The following ZRANB3 variants were observed in gnomAD, a reference collection of about 807,000 sequenced individuals.
ZRANB3 encodes the protein DNA annealing helicase and endonuclease ZRANB3.
In ZRANB3, 125 loss-of-function variants were observed where a neutral mutation model predicts 133.8. The ratio of observed to expected loss-of-function variants is 0.93; its 90% CI spans 0.81 to 1.08. The LOEUF is 1.08. ZRANB3 is among the 50% of genes least tolerant of loss of function. ZRANB3 has a pLI of 0.00. For missense variants in ZRANB3, 1,229 were observed against 1,275.5 expected, an observed-to-expected ratio of 0.96 and a Z score of 0.56; for synonymous variants, 387 against 432.7, an observed-to-expected ratio of 0.89 and a Z score of 1.31.
intron 12 of ZRANB3, among the ~76,000 whole-genome samples, chr2:135,233,096 A>G (rs1489531814): frequency 6.6e-6 from 1 of 152,244 alleles, no homozygotes; most frequent in Non-Finnish European, 1.5e-5. Context: ...AGAAGTCCTT[A>G]AAGGACCTGA....
chr2:135,449,094 G>C (rs919532223), intron 2 of ZRANB3, among the ~76,000 whole-genome samples: 1 of 152,068 alleles, frequency 6.6e-6, no homozygotes, highest in African/African-American at 2.4e-5. Flanking sequence ...GATCCTCTTG[G>C]GATGTTTGTT....
intron 2 of ZRANB3, among the ~76,000 whole-genome samples, chr2:135,487,741 C>T (rs1400945945): frequency 3.3e-5 from 5 of 152,192 alleles, no homozygotes; most frequent in Admixed American, 3.3e-4. Flanking sequence ...TAGGGCCTTG[C>T]TCTGGAATTA....
At position 135,227,855 on chromosome 2, in the gene ZRANB3, T is replaced by C; in HGVS notation, c.2115A>G (p.Pro705=). The stretch of plus-strand genomic sequence containing the variant: ...TAAGTCCGTCTTCTTTCTCAATTTT[T>C]GGTGTTTCTTCCTTGCTGTCAGCCA... The part of the protein sequence containing the change: ...GQLADSKEET[P]KIEKEDGLTS... The change falls in exon 14 of 21, where the codon CCA becomes CCG. Residue 705 remains proline (P), a synonymous_variant. Transcript: ENST00000264159. 6.3e-7 allele frequency: 1 copy of C among 1,577,366 alleles called. No individual in the cohort carries two copies. Among genetic ancestry groups the C allele is most frequent in the Non-Finnish European group, 8.6e-7 (1 of 1,159,572 alleles).
intron 3 of ZRANB3, among the ~76,000 whole-genome samples, chr2:135,367,543 C>A (rs868536268): frequency 5.9e-5 from 9 of 151,748 alleles, no homozygotes; most frequent in Admixed American, 2.0e-4. Flanking sequence ...AGAGAGAAAA[C>A]CAAAAATCAC....
At chr2:135,358,987 T>TC (rs1685558130) in intron 3 of ZRANB3, among the ~76,000 whole-genome samples, 1 of 151,962 alleles carries the variant, frequency 6.6e-6, no homozygotes, top group South Asian at 2.1e-4. Context: ...TGTTTTTTTT[T>TC]CAAGTCATTT....
chr2:135,436,245 T>TC (rs1282639303), intron 2 of ZRANB3, among the ~76,000 whole-genome samples: 1 of 152,178 alleles, frequency 6.6e-6, no homozygotes, highest in Non-Finnish European at 1.5e-5. Flanking sequence ...AGGGAGTTTT[T>TC]CCCCCATCGC....
chr2:135,528,458 T>A (rs1334257844), intron 1 of ZRANB3, among the ~76,000 whole-genome samples: 3 of 152,192 alleles, frequency 2.0e-5, no homozygotes. Context: ...TCTACAAGTC[T>A]TATTTACCTT....
intron 2 of ZRANB3, among the ~76,000 whole-genome samples, chr2:135,420,089 A>ATT (rs1394420624): frequency 1.9e-5 from 2 of 103,910 alleles, no homozygotes; most frequent in African/African-American, 5.5e-5. Context: ...TATATCTTAG[A>ATT]TTTATATATA....
In ZRANB3 at chr2:135,207,787, CTG is replaced by C. The variant is rs745582435; in HGVS notation, c.2654_2655del (p.Thr885SerfsTer21). The C allele has an allele frequency of 3.5e-5, 57 of 1,612,152 alleles. No homozygotes were observed. Among genetic ancestry groups the C allele is most frequent in the Non-Finnish European group, 4.8e-5 (57 of 1,178,496 alleles). ...GGCTTCACAGTGAGATCTGCCTGGA[CTG>C]TGTATGGATTTAGAAATGGGACACA... ...GACVPFLNPYTVQADLTVKPS... is the reference protein window; with the variant it reads ...GACVPFLNPYXVQADLTVKPS... On this transcript the variant is annotated frameshift_variant, in exon 19 of 21. Coordinates refer to ENST00000264159, the MANE Select transcript of ZRANB3 (RefSeq NM_032143.4). LOFTEE classifies it high-confidence loss of function.
intron 2 of ZRANB3, among the ~76,000 whole-genome samples, chr2:135,406,397 C>G (rs140422895): frequency 8.6e-5 from 13 of 151,934 alleles, no homozygotes; most frequent in Admixed American, 3.9e-4. Flanking sequence ...AGAGGTACAA[C>G]GAGGAGCTGG....
chr2:135,328,054 G>C (rs1413931972), intron 6 of ZRANB3, among the ~76,000 whole-genome samples: 2 of 151,038 alleles, frequency 1.3e-5, no homozygotes, highest in South Asian at 2.1e-4. Flanking sequence ...TTTTTTTTTA[G>C]TTAAAGCCAA....
chr2:135,257,927 T>C (rs186522729), intron 12 of ZRANB3, among the ~76,000 whole-genome samples: 8 of 152,306 alleles, frequency 5.3e-5, no homozygotes, highest in African/African-American at 9.6e-5. Flanking sequence ...GGGCAGATTA[T>C]GTAACCTTTC....
intron 6 of ZRANB3, among the ~76,000 whole-genome samples, chr2:135,335,587 C>T (rs112182601): frequency 1.9e-3 from 282 of 151,844 alleles, no homozygotes; most frequent in African/African-American, 6.6e-3. Flanking sequence ...CACCTATTTG[C>T]GAGGCTGAGG....
intron 8 of ZRANB3, among the ~76,000 whole-genome samples, chr2:135,282,504 A>C (rs537518301): frequency 3.3e-5 from 5 of 152,260 alleles, no homozygotes; most frequent in East Asian, 1.9e-4. Flanking sequence ...TCATGCCCAA[A>C]TTTTCCCAAA....
At chr2:135,477,432 G>A (rs1047967902) in intron 2 of ZRANB3, among the ~76,000 whole-genome samples, 3 of 152,190 alleles carry the variant, frequency 2.0e-5, no homozygotes, top group South Asian at 2.1e-4. Flanking sequence ...ACAGGAAGAA[G>A]GAATGGTAGA....
chr2:135,229,619 G>A (rs533340855), intron 13 of ZRANB3, among the ~76,000 whole-genome samples: 4 of 152,034 alleles, frequency 2.6e-5, no homozygotes, highest in South Asian at 2.1e-4. Flanking sequence ...CGCCCGCCTC[G>A]GCCTCCCAAA....
chr2:135,275,291 GCGGGGGC>G (rs1680749226), intron 9 of ZRANB3, among the ~76,000 whole-genome samples: 1 of 147,586 alleles, frequency 6.8e-6, no homozygotes, highest in African/African-American at 2.7e-5. Flanking sequence ...GGCTGGCCGG[GCGGGGGC>G]TGCCCCCCAC....
At chr2:135,405,406 A>C (rs1436280377) in intron 2 of ZRANB3, among the ~76,000 whole-genome samples, 5 of 152,224 alleles carry the variant, frequency 3.3e-5, no homozygotes, top group Admixed American at 6.5e-5. Context: ...CATTAGACAG[A>C]TCAACAAGAC....
At chr2:135,505,793 T>C (rs566841434) in intron 1 of ZRANB3, among the ~76,000 whole-genome samples, 2 of 152,268 alleles carry the variant, frequency 1.3e-5, no homozygotes, top group East Asian at 3.9e-4. Flanking sequence ...AGGGGAAAAC[T>C]AAAAATTAGC....
Sources: gnomAD v4.1 joint callset for allele counts (sites outside exome capture counted in the v4.1 genomes callset) on GRCh38, gnomAD v4.1.1 for gene constraint, MANE v1.5 for transcripts, NCBI Gene and HGNC (gene_info 2026-07-23, HGNC 2026-07-21) for gene names.